GTPBP3: variants seen among roughly 807,000 people sequenced by gnomAD.
The protein encoded by GTPBP3 is GTP binding protein 3, mitochondrial, also known as 5-taurinomethyluridine-[tRNA] synthase subunit GTPB3, mitochondrial.
A neutral mutation model predicts 42.0 loss-of-function variants in GTPBP3; 35 were observed. The ratio of observed to expected loss-of-function variants is 0.83; its 90% CI spans 0.64 to 1.10. The LOEUF (loss-of-function observed/expected upper bound fraction) is 1.10. Ranked by LOEUF, GTPBP3 falls within the 50% of genes least tolerant of loss-of-function variation. The pLI is 0.00. For missense variants in GTPBP3, 691 were observed against 685.2 expected (o/e 1.01, Z -0.09); for synonymous variants, 332 against 314.9 (o/e 1.05, Z -0.58).
chr19:17,337,301 C>T (rs2074376378), upstream of GTPBP3: 2 of 325,692 alleles, frequency 6.1e-6, no homozygotes, highest in African/African-American at 2.1e-5. Flanking sequence ...CAAACTCTGT[C>T]CTTTCTTCCA....
In GTPBP3 at chr19:17,338,892, T is replaced by C. The variant is rs533258023; in HGVS notation, c.592-62T>C. On this transcript the variant is annotated intron_variant, in intron 4 of 8. Coordinates refer to ENST00000324894, the MANE Select transcript of GTPBP3 (RefSeq NM_032620.4). ...GGCCCCTGAAGTCGGGCTGGACAAA[T>C]TGGGTGTGGGAAGGTGGGTTTCTGG... The C allele has an allele frequency of 1.2e-5, 19 of 1,547,910 alleles. No homozygotes were observed. In the Admixed American group the frequency reaches 2.8e-4, roughly 23 times the overall value.
At chr19:17,339,379 T>C (rs2074404752) in intron 6 of GTPBP3, 55 bp from the exon 7 acceptor site, 1 of 1,599,650 alleles carries the variant, frequency 6.3e-7, no homozygotes, top group South Asian at 1.1e-5. Flanking sequence ...GGGTAGAACC[T>C]GGGGGAGGAG....
upstream of GTPBP3, chr19:17,336,974 G>A (rs1056876946): frequency 2.0e-5 from 3 of 152,206 alleles, no homozygotes; most frequent in Non-Finnish European, 4.4e-5. Flanking sequence ...CCGAAGCCGA[G>A]GGAACGGCAG....
upstream of GTPBP3, chr19:17,337,481 C>A: frequency 8.0e-7 from 1 of 1,257,006 alleles, no homozygotes; most frequent in Non-Finnish European, 1.0e-6. Context: ...CAGGACGTAT[C>A]CTAAGATACC....
chr19:17,336,871 G>A (rs777869193), upstream of GTPBP3: 1 of 152,300 alleles, frequency 6.6e-6, no homozygotes, highest in Non-Finnish European at 1.5e-5. Flanking sequence ...ACAGTGGAGA[G>A]AGGGCTGTGC....
In GTPBP3 at chr19:17,339,604, G is replaced by A; in HGVS notation, c.974+5G>A. On this transcript the variant is annotated splice_donor_5th_base_variant and intron_variant, in intron 7 of 8. Coordinates refer to ENST00000324894, the MANE Select transcript of GTPBP3 (RefSeq NM_032620.4). ...CGTGCGGCGCGCCCGGGAGAGGTGG[G>A]CGGACAGGGTGGTGATGGGAGGGGA... 1 of 1,597,772 alleles carries A rather than the reference G, an allele frequency of 6.3e-7. No individual in the cohort carries two copies. Among genetic ancestry groups the A allele is most frequent in the Non-Finnish European group, 8.5e-7 (1 of 1,175,872 alleles).
rs543459615 is a variant in GTPBP3, at chr19:17,341,779, A to G, written c.*76A>G. 43 of 1,266,482 alleles carry G rather than the reference A, an allele frequency of 3.4e-5. No homozygotes were observed. The highest frequency in any genetic ancestry group is 2.7e-4 in the South Asian group (18 of 67,178). The allele number at this position is 1,266,482 out of a possible 1,614,324, so 78.5% of individuals were successfully genotyped here. On this transcript the variant is annotated 3_prime_UTR_variant, in exon 9 of 9. Transcript: ENST00000324894. ...GGGGATCTGGAAACAGTTTAGGCCA[A>G]TTGGGATTCTCATTCGCCTGGGAAA...
At chr19:17,337,776 T>C in intron 1 of GTPBP3, 112 bp downstream of exon 1, 1 of 1,323,202 alleles carries the variant, frequency 7.6e-7, no homozygotes, top group Non-Finnish European at 1.0e-6. Context: ...ATTCGCGTTC[T>C]TCCGTGCCTC....
At chr19:17,341,009 C>G in intron 7 of GTPBP3, 35 bp from the exon 8 acceptor site, 2 of 1,595,918 alleles carry the variant, frequency 1.3e-6, no homozygotes, top group Admixed American at 1.7e-5. Context: ...ATTGCTCAAC[C>G]TGGGATCCCC....
intron 7 of GTPBP3, 111 bp downstream of exon 7, chr19:17,339,710 A>T: frequency 9.9e-7 from 1 of 1,010,506 alleles, no homozygotes; most frequent in Non-Finnish European, 1.4e-6. Context: ...GCTAAGCCCT[A>T]TCAAGCATGG....
At chr19:17,339,923 T>C (rs1369038176) in intron 7 of GTPBP3, among the ~76,000 whole-genome samples, 1 of 150,886 alleles carries the variant, frequency 6.6e-6, no homozygotes, top group African/African-American at 2.4e-5. Context: ...TTTTTTTTTT[T>C]TTTTTGTATT....
upstream of GTPBP3, chr19:17,335,154 C>A (rs755249496): frequency 7.2e-6 from 11 of 1,533,578 alleles, no homozygotes; most frequent in South Asian, 1.3e-4. Context: ...GTGGGAGGGG[C>A]GGGCCGGTTG....
chr19:17,336,118 C>G (rs1342445202), upstream of GTPBP3, among the ~76,000 whole-genome samples: 4 of 151,534 alleles, frequency 2.6e-5, no homozygotes, highest in African/African-American at 9.7e-5. Context: ...CGCCTGTAGT[C>G]CCAGCTACTT....
rs1263703323 is a variant in GTPBP3 at position 17,338,751 on chromosome 19, C to T, written c.591+10C>T. The T allele has an allele frequency of 6.3e-7, 1 of 1,598,290 alleles. No homozygotes were observed. Among genetic ancestry groups the T allele is most frequent in the Non-Finnish European group, 8.5e-7 (1 of 1,170,146 alleles). On this transcript the variant is annotated intron_variant, in intron 4 of 8. Transcript: ENST00000324894. ...CGAGACCCTCACCAAAGCAAGTCCCCCATTTGTCCATTCTCTCCCTCAGAG... is the reference window on the plus strand; with the variant it reads ...CGAGACCCTCACCAAAGCAAGTCCCTCATTTGTCCATTCTCTCCCTCAGAG...
In GTPBP3 at chr19:17,342,180, T is replaced by G. The variant is rs2074440274; in HGVS notation, c.*477T>G. The G allele has an allele frequency of 6.8e-6, 1 of 146,666 alleles. No homozygotes were observed. The highest frequency in any genetic ancestry group is 1.5e-5 in the Non-Finnish European group (1 of 66,890). The allele number at this position is 146,666 out of a possible 1,614,324, so 9.1% of individuals were successfully genotyped here. On this transcript the variant is annotated 3_prime_UTR_variant, in exon 9 of 9. Transcript: ENST00000324894. ...GTGCAGTGGTGCGACCTTGGCTCACTGCAACCTCCATCTCCGGGGCTCAAG... is the reference window on the plus strand; with the variant it reads ...GTGCAGTGGTGCGACCTTGGCTCACGGCAACCTCCATCTCCGGGGCTCAAG...
intron 1 of GTPBP3, 39 bp from the exon 2 acceptor site, chr19:17,337,969 C>A (rs755984855): frequency 1.3e-6 from 2 of 1,589,434 alleles, no homozygotes; most frequent in Non-Finnish European, 1.7e-6. Context: ...TGAGGCTGAG[C>A]CTCCCAGGTG....
At position 17,338,258 on chromosome 19, in the gene GTPBP3, G is replaced by A. The variant is rs771150683; in HGVS notation, c.301+3G>A. The A allele has an allele frequency of 6.3e-7, 1 of 1,593,694 alleles. No individual in the cohort carries two copies. The highest frequency in any genetic ancestry group is 8.5e-7 in the Non-Finnish European group (1 of 1,173,256). On this transcript the variant is annotated splice_donor_region_variant and intron_variant, in intron 2 of 8. Transcript: ENST00000324894. Reference sequence around the variant, plus strand: ...CGCACTGGTGCTCTGGTTCCCAGGTGAGGGTCCCCAGGTTCCGAGCCTCCT... The same window carrying A: ...CGCACTGGTGCTCTGGTTCCCAGGTAAGGGTCCCCAGGTTCCGAGCCTCCT...
Position 17,337,619 on chromosome 19 carries a change from G to T in GTPBP3, c.8G>T (p.Arg3Leu), listed in dbSNP as rs1057518138. The stretch of plus-strand genomic sequence containing the variant: ...GTCGCAGGTTGTAAATCCATGTGGC[G>T]GGGGCTTTGGACCCTGGCGGCCCAA... MWRGLWTLAAQAA... is the reference protein window; with the variant it reads MWLGLWTLAAQAA... The change falls in exon 1 of 9, where the codon CGG (arginine) becomes CTG (leucine). Residue 3 changes from arginine to leucine, a missense_variant. Transcript: ENST00000324894. The T allele has an allele frequency of 2.3e-5, 30 of 1,324,836 alleles. No individual in the cohort carries two copies. In the East Asian group the frequency reaches 3.3e-4, roughly 15 times the overall value. 82.1% of individuals were successfully genotyped at this position (1,324,836 alleles called of 1,614,324 possible).
In GTPBP3 at chr19:17,338,345, T is replaced by C. The variant is rs978102094; in HGVS notation, c.302-20T>C. On this transcript the variant is annotated intron_variant, in intron 2 of 8. Transcript: ENST00000324894. ...TTGCACTGGCTGTGCTGTCCTCCTGTCACCTGTCTGTCACATTAGGTCCCC... is the reference window on the plus strand; with the variant it reads ...TTGCACTGGCTGTGCTGTCCTCCTGCCACCTGTCTGTCACATTAGGTCCCC... The C allele has an allele frequency of 6.8e-6, 11 of 1,613,420 alleles. No homozygotes were observed. The highest frequency in any genetic ancestry group is 9.3e-6 in the Non-Finnish European group (11 of 1,179,752).
Sources: allele counts gnomAD v4.1 joint callset (sites outside exome capture counted in the v4.1 genomes callset), GRCh38; gene constraint gnomAD v4.1.1; transcripts MANE v1.5; gene names NCBI Gene and HGNC (gene_info 2026-07-23, HGNC 2026-07-21).